Variants in KIAA1328 observed in about 807,000 individuals in gnomAD.
KIAA1328 encodes the protein KIAA1328, also known as protein hinderin.
KIAA1328 carries 52 observed loss-of-function variants against 68.1 expected under a neutral mutation model. The observed-to-expected ratio is 0.76, with a 90% CI of 0.61 to 0.96. The LOEUF (loss-of-function observed/expected upper bound fraction) is 0.96. KIAA1328 is among the 40% of genes least tolerant of loss of function. The pLI is 0.00. For missense variants in KIAA1328, 641 were observed against 677.6 expected, an observed-to-expected ratio of 0.95 and a Z score of 0.60; for synonymous variants, 232 against 239.4, an observed-to-expected ratio of 0.97 and a Z score of 0.28.
At chr18:37,126,244 C>CA (rs2058387604) in intron 7 of KIAA1328, among the ~76,000 whole-genome samples, 2 of 152,000 alleles carry the variant, frequency 1.3e-5, no homozygotes. Context: ...GCAAATATTC[C>CA]AAAATCCAAA....
chr18:37,021,289 A>G (rs935089097), intron 6 of KIAA1328, among the ~76,000 whole-genome samples: 1 of 152,220 alleles, frequency 6.6e-6, no homozygotes, highest in Non-Finnish European at 1.5e-5. Flanking sequence ...TGATCTGTGT[A>G]CTTATTTGGA....
chr18:37,111,621 C>G (rs1305930359), intron 7 of KIAA1328, among the ~76,000 whole-genome samples: 1 of 152,208 alleles, frequency 6.6e-6, no homozygotes, highest in South Asian at 2.1e-4. Context: ...ACACAGAAGA[C>G]AGGTGATTTC....
At chr18:37,102,394 C>G (rs2057648407) in intron 7 of KIAA1328, among the ~76,000 whole-genome samples, 1 of 152,112 alleles carries the variant, frequency 6.6e-6, no homozygotes, top group Non-Finnish European at 1.5e-5. Context: ...TGTAACAAAC[C>G]TGCACATCCT....
At chr18:37,214,638 T>A (rs2060389342) in intron 9 of KIAA1328, among the ~76,000 whole-genome samples, 1 of 152,244 alleles carries the variant, frequency 6.6e-6, no homozygotes, top group Non-Finnish European at 1.5e-5. Flanking sequence ...TACGGGCTCT[T>A]TTTTGGTTCT....
chr18:36,898,686 A>G (rs2048941094), intron 5 of KIAA1328, among the ~76,000 whole-genome samples: 4 of 152,018 alleles, frequency 2.6e-5, no homozygotes, highest in African/African-American at 7.2e-5. Flanking sequence ...AGGGAGCCAC[A>G]CTTTTTTAAA....
intron 7 of KIAA1328, among the ~76,000 whole-genome samples, chr18:37,142,602 T>TACAC (rs142803247): frequency 1.3e-5 from 2 of 150,112 alleles, no homozygotes; most frequent in Admixed American, 6.6e-5. Context: ...GTTGAATGTG[T>TACAC]ACACACACAC....
At chr18:37,214,049 G>A (rs2060373800) in intron 9 of KIAA1328, among the ~76,000 whole-genome samples, 2 of 151,870 alleles carry the variant, frequency 1.3e-5, no homozygotes, top group South Asian at 2.1e-4. Context: ...CTGGATATTA[G>A]CCCTTTGTCA....
intron 6 of KIAA1328, among the ~76,000 whole-genome samples, chr18:37,058,076 C>G (rs2055993068): frequency 6.6e-6 from 1 of 152,116 alleles, no homozygotes; most frequent in African/African-American, 2.4e-5. Context: ...GAAGGGCTGT[C>G]TGCAAAGAGT....
chr18:36,924,314 G>A (rs1430470027), intron 5 of KIAA1328, among the ~76,000 whole-genome samples: 1 of 152,150 alleles, frequency 6.6e-6, no homozygotes, highest in African/African-American at 2.4e-5. Context: ...CTCTCTAACA[G>A]CCAAGTTGTC....
At chr18:37,213,349 C>A (rs1282094856) in intron 9 of KIAA1328, among the ~76,000 whole-genome samples, 3 of 152,126 alleles carry the variant, frequency 2.0e-5, no homozygotes, top group Non-Finnish European at 4.4e-5. Flanking sequence ...CGCTCTGTGT[C>A]CAAGTGTTCT....
chr18:37,004,564 C>A (rs1048650478), intron 6 of KIAA1328, among the ~76,000 whole-genome samples: 1 of 151,994 alleles, frequency 6.6e-6, no homozygotes, highest in African/African-American at 2.4e-5. Context: ...GAGATACAAC[C>A]TTACTCCTGC....
At chr18:37,133,063 G>A (rs944507253) in intron 7 of KIAA1328, among the ~76,000 whole-genome samples, 8 of 152,094 alleles carry the variant, frequency 5.3e-5, no homozygotes, top group African/African-American at 1.7e-4. Flanking sequence ...GGCCAGGCGC[G>A]ATGACTCACG....
chr18:36,836,521 ACCT>A (rs2046679309), intron 3 of KIAA1328, among the ~76,000 whole-genome samples: 1 of 151,612 alleles, frequency 6.6e-6, no homozygotes, highest in South Asian at 2.1e-4. Flanking sequence ...TTTATTTCTC[ACCT>A]CCTGACTTTT....
intron 9 of KIAA1328, among the ~76,000 whole-genome samples, chr18:37,203,030 A>C (rs897083935): frequency 1.3e-5 from 2 of 151,626 alleles, no homozygotes; most frequent in African/African-American, 4.8e-5. Context: ...CATGACACAA[A>C]CAGAATCTAT....
At chr18:36,870,233 G>A (rs1264904872) in intron 4 of KIAA1328, among the ~76,000 whole-genome samples, 1 of 152,090 alleles carries the variant, frequency 6.6e-6, no homozygotes, top group East Asian at 1.9e-4. Flanking sequence ...TTTGCTCTGT[G>A]ATCTGATGTT....
chr18:36,852,549 T>A (rs568678762), intron 4 of KIAA1328, among the ~76,000 whole-genome samples: 1 of 152,296 alleles, frequency 6.6e-6, no homozygotes, highest in South Asian at 2.1e-4. Context: ...CTGTGTTCAA[T>A]CAAGCAGCTG....
chr18:36,961,696 A>G (rs2051682239), intron 6 of KIAA1328, among the ~76,000 whole-genome samples: 1 of 152,198 alleles, frequency 6.6e-6, no homozygotes, highest in Non-Finnish European at 1.5e-5. Context: ...TCAACCCAGA[A>G]TTTCATATCC....
intron 4 of KIAA1328, among the ~76,000 whole-genome samples, chr18:36,857,386 C>G (rs920661112): frequency 6.6e-6 from 1 of 152,168 alleles, no homozygotes; most frequent in South Asian, 2.1e-4. Flanking sequence ...GAAATCTGCT[C>G]TAGCCTGAAG....
At position 36,956,545 on chromosome 18, in the gene KIAA1328, G is replaced by GC. The variant is rs1222699873; in HGVS notation, c.449-2763_449-2762insC. On this transcript the variant is annotated intron_variant, in intron 5 of 9. Transcript: ENST00000280020. ...CATTGTGCTAAGGAGGAAGGAAGTG[G>GC]GGGGGGGGTGCATTTAGAAATCTGC... Among the ~76,000 whole-genome samples the GC allele has an allele frequency of 4.8e-5, 7 of 147,056 alleles. No homozygotes were observed. In the East Asian group the frequency reaches 9.9e-4, roughly 21 times the overall value.
Sources: gnomAD v4.1 joint callset for allele counts (sites outside exome capture counted in the v4.1 genomes callset) on GRCh38, gnomAD v4.1.1 for gene constraint, MANE v1.5 for transcripts, NCBI Gene and HGNC (gene_info 2026-07-23, HGNC 2026-07-21) for gene names.